TMPRSS11F: variants seen among roughly 807,000 people sequenced by gnomAD.
The protein encoded by TMPRSS11F is transmembrane protease serine 11F.
Under a neutral mutation model 60.2 loss-of-function variants are expected in TMPRSS11F, and 47 were observed. The observed-to-expected ratio is 0.78, with a 90% CI of 0.62 to 1.00. The LOEUF (loss-of-function observed/expected upper bound fraction) is 1.00. TMPRSS11F is among the 50% of genes least tolerant of loss of function. The pLI is 0.00. For synonymous variants in TMPRSS11F, 166 were observed against 167.3 expected (o/e 0.99, Z 0.06); for missense variants, 519 against 522.9 (o/e 0.99, Z 0.07).
intron 1 of TMPRSS11F, among the ~76,000 whole-genome samples, chr4:68,125,086 A>G (rs956251009): frequency 1.3e-5 from 2 of 151,662 alleles, no homozygotes; most frequent in African/African-American, 2.4e-5. Flanking sequence ...GACCAGGAAA[A>G]GACTTCATAA....
intron 1 of TMPRSS11F, among the ~76,000 whole-genome samples, chr4:68,101,079 A>G (rs936543374): frequency 1.3e-5 from 2 of 152,208 alleles, no homozygotes; most frequent in African/African-American, 4.8e-5. Flanking sequence ...ATAAAATGTA[A>G]GGGGTTGATA....
At chr4:68,122,537 T>G (rs1026626921) in intron 1 of TMPRSS11F, among the ~76,000 whole-genome samples, 1 of 152,196 alleles carries the variant, frequency 6.6e-6, no homozygotes, top group Non-Finnish European at 1.5e-5. Context: ...AATGAAACAA[T>G]AGTTTTCTCA....
At chr4:68,104,761 A>G (rs1183835797) in intron 1 of TMPRSS11F, among the ~76,000 whole-genome samples, 2 of 152,206 alleles carry the variant, frequency 1.3e-5, no homozygotes, top group African/African-American at 4.8e-5. Flanking sequence ...TTCAATAAAG[A>G]TAATCATGAG....
intron 3 of TMPRSS11F, chr4:68,080,730 A>AT (rs1204961005): frequency 6.6e-6 from 1 of 152,050 alleles, no homozygotes; most frequent in Non-Finnish European, 1.5e-5. Flanking sequence ...TTCCTTATGA[A>AT]TTTTTTTCTG....
At chr4:68,126,807 C>G (rs1211581299) in intron 1 of TMPRSS11F, among the ~76,000 whole-genome samples, 1 of 152,248 alleles carries the variant, frequency 6.6e-6, no homozygotes, top group Non-Finnish European at 1.5e-5. Flanking sequence ...GAAGAGAGGA[C>G]GGCTGTACTT....
At chr4:68,087,908 C>T (rs1307875357) in intron 3 of TMPRSS11F, among the ~76,000 whole-genome samples, 1 of 137,262 alleles carries the variant, frequency 7.3e-6, no homozygotes, top group African/African-American at 2.7e-5. Flanking sequence ...TGTGATGTTC[C>T]CCTTCCTGTG....
At chr4:68,060,935 A>G (rs1290059279) in intron 8 of TMPRSS11F, among the ~76,000 whole-genome samples, 1 of 152,006 alleles carries the variant, frequency 6.6e-6, no homozygotes, top group African/African-American at 2.4e-5. Context: ...AATATATAGT[A>G]CTTTTTTGGG....
intron 1 of TMPRSS11F, among the ~76,000 whole-genome samples, chr4:68,105,463 C>A (rs1307293294): frequency 6.6e-6 from 1 of 152,068 alleles, no homozygotes; most frequent in Non-Finnish European, 1.5e-5. Flanking sequence ...TTGCTACTAT[C>A]AGCAAGCTAG....
intron 3 of TMPRSS11F, among the ~76,000 whole-genome samples, chr4:68,082,499 T>C (rs541785957): frequency 1.3e-5 from 2 of 152,266 alleles, no homozygotes; most frequent in Admixed American, 6.5e-5. Flanking sequence ...GTCTCTTCTG[T>C]ACAGCTGGCT....
intron 3 of TMPRSS11F, 60 bp downstream of exon 3, chr4:68,090,463 C>T: frequency 6.6e-7 from 1 of 1,510,480 alleles, no homozygotes; most frequent in Non-Finnish European, 8.8e-7. Context: ...ATATAACACC[C>T]ACATTCAAAG....
rs75680009 is a variant in TMPRSS11F, at chr4:68,068,571, G to A, written c.755+47C>T. Reference sequence around the variant, plus strand: ...CTTCTGATGCGCTAAATCAGTGGCAGATGAGGACTGTGAAAAGAAGGCTCA... The same window carrying A: ...CTTCTGATGCGCTAAATCAGTGGCAAATGAGGACTGTGAAAAGAAGGCTCA... On this transcript the variant is annotated intron_variant, in intron 7 of 9. Coordinates refer to ENST00000356291, the MANE Select transcript of TMPRSS11F (RefSeq NM_207407.2). 9,211 of 1,517,516 alleles carry A rather than the reference G, an allele frequency of 6.1e-3. 99 individuals carry two copies. Among genetic ancestry groups the A allele is most frequent in the East Asian group, 0.035 (1,543 of 44,400 alleles). The allele number at this position is 1,517,516 out of a possible 1,614,324, so 94.0% of individuals were successfully genotyped here.
chr4:68,067,377 T>C (rs1011242772), intron 7 of TMPRSS11F, among the ~76,000 whole-genome samples: 1 of 152,254 alleles, frequency 6.6e-6, no homozygotes, highest in Non-Finnish European at 1.5e-5. Context: ...AATTCCCATG[T>C]AGGTCTGTGA....
intron 3 of TMPRSS11F, among the ~76,000 whole-genome samples, chr4:68,088,234 T>G (rs867951260): frequency 5.4e-4 from 82 of 151,164 alleles, no homozygotes; most frequent in Non-Finnish European, 9.7e-4. Flanking sequence ...AAAGGCAGGG[T>G]TTGCAATCCT....
At chr4:68,102,242 C>G (rs1269810298) in intron 1 of TMPRSS11F, among the ~76,000 whole-genome samples, 1 of 152,090 alleles carries the variant, frequency 6.6e-6, no homozygotes, top group Non-Finnish European at 1.5e-5. Context: ...TAGGCTGTTT[C>G]CGTATCTCAG....
chr4:68,090,364 C>T (rs1009973215), intron 3 of TMPRSS11F, among the ~76,000 whole-genome samples, 159 bp downstream of exon 3: 1 of 152,056 alleles, frequency 6.6e-6, no homozygotes, highest in Admixed American at 6.6e-5. Flanking sequence ...ATATTTTATA[C>T]ATATTAAGTA....
intron 3 of TMPRSS11F, among the ~76,000 whole-genome samples, chr4:68,082,399 G>T (rs1015132419): frequency 6.6e-6 from 1 of 152,178 alleles, no homozygotes; most frequent in East Asian, 1.9e-4. Flanking sequence ...CATCCTCCAA[G>T]GCTCTCCCCC....
intron 7 of TMPRSS11F, among the ~76,000 whole-genome samples, chr4:68,066,717 T>C (rs926524163): frequency 1.3e-5 from 2 of 151,898 alleles, no homozygotes; most frequent in Non-Finnish European, 2.9e-5. Flanking sequence ...GGGCGGATCA[T>C]GAGGTCGGGA....
At chr4:68,082,344 G>A (rs1723713147) in intron 3 of TMPRSS11F, among the ~76,000 whole-genome samples, 1 of 152,174 alleles carries the variant, frequency 6.6e-6, no homozygotes, top group African/African-American at 2.4e-5. Flanking sequence ...ACCCCAGAGG[G>A]TTTTGCACGT....
intron 9 of TMPRSS11F, 64 bp from the exon 10 acceptor site, chr4:68,054,131 C>T: frequency 6.8e-7 from 1 of 1,473,176 alleles, no homozygotes; most frequent in Non-Finnish European, 9.3e-7. Context: ...GTATTGTAAT[C>T]TGACGTTCAC....
Sources: allele counts gnomAD v4.1 joint callset (sites outside exome capture counted in the v4.1 genomes callset), GRCh38; gene constraint gnomAD v4.1.1; transcripts MANE v1.5; gene names NCBI Gene and HGNC (gene_info 2026-07-23, HGNC 2026-07-21).